The following APBA2 variants were observed in gnomAD, a reference collection of about 807,000 sequenced individuals.
The protein encoded by APBA2 is amyloid-beta A4 precursor protein-binding family A member 2.
In APBA2, 30 loss-of-function variants were observed where a neutral mutation model predicts 75.0. The observed-to-expected ratio is 0.40, with a 90% CI of 0.30 to 0.54. APBA2 has a LOEUF of 0.54. Ranked by LOEUF, APBA2 falls within the 20% of genes least tolerant of loss-of-function variation. The pLI, the probability that APBA2 is intolerant of heterozygous loss-of-function variation, is 0.49. For synonymous variants in APBA2, 444 were observed against 409.6 expected (o/e 1.08, Z -1.01); for missense variants, 801 against 1,016.1 (o/e 0.79, Z 2.88).
At chr15:29,081,793 C>A (rs893715631) in intron 6 of APBA2, among the ~76,000 whole-genome samples, 1 of 152,224 alleles carries the variant, frequency 6.6e-6, no homozygotes, top group Admixed American at 6.5e-5. Context: ...TATTAACCAG[C>A]CCCCTTGGAC....
intron 2 of APBA2, among the ~76,000 whole-genome samples, chr15:28,978,206 G>T (rs978201722): frequency 6.6e-6 from 1 of 152,212 alleles, no homozygotes; most frequent in African/African-American, 2.4e-5. Context: ...TGGACACCCA[G>T]CAGCTCATTC....
chr15:29,003,199 G>A lies in APBA2; in HGVS notation c.-41+7393G>A, dbSNP rs535053559. On this transcript the variant is annotated intron_variant, in intron 3 of 14. Transcript: ENST00000683413. The stretch of plus-strand genomic sequence containing the variant: ...TTGACCTTGGAGGGTGCGGCATGGG[G>A]TGGAGGCCCGTGCACCAGAGGCTCC... Among the ~76,000 whole-genome samples, 3 of 152,258 alleles carry A rather than the reference G, an allele frequency of 2.0e-5. No individual in the cohort carries two copies. The East Asian group carries it at 5.8e-4, about 30-fold the overall frequency.
intron 3 of APBA2, among the ~76,000 whole-genome samples, chr15:29,016,918 T>G (rs889760920): frequency 6.6e-6 from 1 of 152,200 alleles, no homozygotes; most frequent in Non-Finnish European, 1.5e-5. Flanking sequence ...GTTCCTTTCA[T>G]CAAATGATGC....
At position 28,991,987 on chromosome 15, in the gene APBA2, T is replaced by C. The variant is rs149478245; in HGVS notation, c.-94-3766T>C. On this transcript the variant is annotated intron_variant, in intron 2 of 14. Transcript: ENST00000683413. The surrounding 1 kb of genome is among the most constrained non-coding windows in gnomAD (Gnocchi z 4.7). ...CTGGGGCCAGCTAGAGGAAGGAGTGTGATTGTGCCTTCCCGGGACAGCTTC... is the reference window on the plus strand; with the variant it reads ...CTGGGGCCAGCTAGAGGAAGGAGTGCGATTGTGCCTTCCCGGGACAGCTTC... Among the ~76,000 whole-genome samples, 1 of 152,108 alleles carries C rather than the reference T, an allele frequency of 6.6e-6. No individual in the cohort carries two copies. Among genetic ancestry groups the C allele is most frequent in the Non-Finnish European group, 1.5e-5 (1 of 68,014 alleles).
At chr15:28,975,653 AAAAC>A (rs2037295697) in intron 2 of APBA2, among the ~76,000 whole-genome samples, 1 of 152,258 alleles carries the variant, frequency 6.6e-6, no homozygotes, top group Admixed American at 6.5e-5. Flanking sequence ...CATTAGGAAA[AAAAC>A]AAAACAAAAC....
intron 3 of APBA2, among the ~76,000 whole-genome samples, chr15:29,010,731 T>C (rs1439964999): frequency 6.6e-6 from 1 of 152,220 alleles, no homozygotes; most frequent in Non-Finnish European, 1.5e-5. Context: ...TATGCATACC[T>C]AAGAACATGA....
chr15:29,102,157 A>G, intron 10 of APBA2: 1 of 367,214 alleles, frequency 2.7e-6, no homozygotes, highest in South Asian at 2.4e-5. Context: ...TAAAGAAAGC[A>G]CATCTGCACA....
At chr15:29,009,649 AT>A (rs58744552) in intron 3 of APBA2, among the ~76,000 whole-genome samples, 22,516 of 151,666 alleles carry the variant, frequency 0.15, 3,095 homozygotes, top group African/African-American at 0.36. Flanking sequence ...AAATGTTTGA[AT>A]TTTTTTTTAA....
intron 2 of APBA2, among the ~76,000 whole-genome samples, chr15:28,962,244 A>G (rs1045926032): frequency 2.6e-5 from 4 of 152,010 alleles, no homozygotes; most frequent in Non-Finnish European, 5.9e-5. Context: ...CCTTGTCTTT[A>G]AAAAATTATA....
At chr15:28,926,474 G>C (rs1055551330) in intron 2 of APBA2, among the ~76,000 whole-genome samples, 1 of 152,048 alleles carries the variant, frequency 6.6e-6, no homozygotes, top group African/African-American at 2.4e-5. Context: ...TTGTGACATT[G>C]CTGTTAATTA....
intron 1 of APBA2, among the ~76,000 whole-genome samples, chr15:28,914,118 C>T (rs1027868725): frequency 6.6e-5 from 10 of 152,310 alleles, no homozygotes; most frequent in Admixed American, 3.9e-4. Flanking sequence ...TTTAATTCTG[C>T]GAACATGTTT....
At chr15:29,102,929 G>A (rs983281361) in intron 10 of APBA2, among the ~76,000 whole-genome samples, 18 of 144,726 alleles carry the variant, frequency 1.2e-4, no homozygotes, top group Admixed American at 2.2e-4. Flanking sequence ...TTTGGCTGGC[G>A]CAGTCATCTT....
chr15:29,101,194 C>T (rs186000435), intron 9 of APBA2, among the ~76,000 whole-genome samples: 15 of 149,672 alleles, frequency 1.0e-4, no homozygotes, highest in South Asian at 2.1e-4. Flanking sequence ...ATCAGGGTTG[C>T]GAAACCCGAA....
chr15:29,054,391 G>T lies in APBA2; in HGVS notation c.507G>T (p.Glu169Asp). 1 of 1,614,138 alleles carries T rather than the reference G, an allele frequency of 6.2e-7. No homozygotes were observed. Among genetic ancestry groups the T allele is most frequent in the South Asian group, 1.1e-5 (1 of 91,088 alleles). Residue 169 changes from glutamate to aspartate, a missense_variant, in exon 4 of 15, where the codon GAG (glutamate) becomes GAT (aspartate). Glu to Asp is a conservative substitution (Grantham distance 45). Around this residue, in one of 2 missense-constraint regions of APBA2, gnomAD observed 434 missense variants for 471.6 expected, o/e 0.92. Transcript: ENST00000683413. The surrounding 1 kb of genome is among the most constrained non-coding windows in gnomAD (Gnocchi z 6.1). ...DYPDGQLPIP[E>D]DEPSVLEAHD... ...CAGACGGCCAACTGCCCATTCCGGAGGATGAGCCCTCCGTCCTTGAGGCCC... is the reference window on the plus strand; with the variant it reads ...CAGACGGCCAACTGCCCATTCCGGATGATGAGCCCTCCGTCCTTGAGGCCC...
chr15:29,062,532 A>G (rs2042175593), intron 4 of APBA2, among the ~76,000 whole-genome samples: 1 of 152,130 alleles, frequency 6.6e-6, no homozygotes, highest in African/African-American at 2.4e-5. Context: ...ATTTGTATGA[A>G]GCCTTTTGAT....
intron 1 of APBA2, among the ~76,000 whole-genome samples, chr15:28,891,849 G>A (rs1036295452): frequency 9.2e-5 from 14 of 152,294 alleles, no homozygotes; most frequent in African/African-American, 2.9e-4. Context: ...TATGACAGAG[G>A]TCCCATAAGA....
chr15:28,922,759 C>T (rs2034041707), intron 2 of APBA2, among the ~76,000 whole-genome samples: 1 of 152,218 alleles, frequency 6.6e-6, no homozygotes, highest in Admixed American at 6.5e-5. Flanking sequence ...GACATCCTAA[C>T]CTGCCCAGCC....
chr15:28,954,469 T>C (rs1344330927), intron 2 of APBA2, among the ~76,000 whole-genome samples: 1 of 152,184 alleles, frequency 6.6e-6, no homozygotes, highest in African/African-American at 2.4e-5. Flanking sequence ...GGTTCCAACG[T>C]TCCCTTCTGC....
chr15:29,058,092 T>C (rs2041981625), intron 4 of APBA2, among the ~76,000 whole-genome samples: 1 of 152,220 alleles, frequency 6.6e-6, no homozygotes. Flanking sequence ...TTTTAAGATG[T>C]TAATGACTCA....
Sources: allele counts gnomAD v4.1 joint callset (sites outside exome capture counted in the v4.1 genomes callset), GRCh38; gene constraint gnomAD v4.1.1; regional missense constraint gnomAD v4.1.1; non-coding constraint Gnocchi (gnomAD v3.1); transcripts MANE v1.5; gene names NCBI Gene and HGNC (gene_info 2026-07-23, HGNC 2026-07-21).